KIAA0232: variants seen among roughly 807,000 people sequenced by gnomAD.
KIAA0232 encodes KIAA0232, also known as uncharacterized protein KIAA0232.
KIAA0232 carries 27 observed loss-of-function variants against 122.0 expected under a neutral mutation model. That is an observed-to-expected ratio of 0.22 (90% CI 0.16 to 0.31). The LOEUF is 0.31. Among genes scored for constraint, KIAA0232 ranks in the 10% least tolerant of loss-of-function variants. The pLI, the probability that KIAA0232 is intolerant of heterozygous loss-of-function variation, is 1.00. For missense variants in KIAA0232, 1,551 were observed against 1,634.2 expected (o/e 0.95, Z 0.88); for synonymous variants, 613 against 587.6 (o/e 1.04, Z -0.63).
chr4:6,795,435 T>C (rs11732331), intron 1 of KIAA0232, among the ~76,000 whole-genome samples: 132,651 of 152,184 alleles, frequency 0.87, 58,270 homozygotes, highest in Non-Finnish European at 0.91. Flanking sequence ...GTCAATTATG[T>C]ACCAGATGCC....
At chr4:6,846,580 C>T (rs575866153) in intron 4 of KIAA0232, among the ~76,000 whole-genome samples, 4 of 151,980 alleles carry the variant, frequency 2.6e-5, no homozygotes, top group Admixed American at 6.6e-5. Context: ...CAGTTGTCTT[C>T]CACGAAACCA....
intron 7 of KIAA0232, among the ~76,000 whole-genome samples, chr4:6,870,935 C>A (rs2108828886): frequency 6.6e-6 from 1 of 152,314 alleles, no homozygotes; most frequent in Admixed American, 6.5e-5. Flanking sequence ...TCAGGGCTTC[C>A]CCATTACCTG....
At chr4:6,858,205 C>A (rs1257444371) in intron 5 of KIAA0232, among the ~76,000 whole-genome samples, 1 of 152,190 alleles carries the variant, frequency 6.6e-6, no homozygotes, top group African/African-American at 2.4e-5. Context: ...ACGAGATGAA[C>A]AACTCTCACC....
intron 4 of KIAA0232, among the ~76,000 whole-genome samples, chr4:6,848,241 T>C (rs1438197660): frequency 6.6e-6 from 1 of 152,236 alleles, no homozygotes; most frequent in African/African-American, 2.4e-5. Context: ...CTTAGTATTT[T>C]GTATATGCAT....
intron 1 of KIAA0232, among the ~76,000 whole-genome samples, chr4:6,785,458 G>A (rs1305676099): frequency 2.0e-5 from 3 of 152,226 alleles, no homozygotes; most frequent in Non-Finnish European, 4.4e-5. Flanking sequence ...TCTGTAGAAT[G>A]GGAAGATTGA....
chr4:6,862,433 C>G lies in KIAA0232; in HGVS notation c.2051C>G (p.Thr684Arg), dbSNP rs750163412. 2 of 1,614,124 alleles carry G rather than the reference C, an allele frequency of 1.2e-6. No homozygotes were observed. The highest frequency in any genetic ancestry group is 3.3e-5 in the Admixed American group (2 of 60,026). Residue 684 changes from threonine to arginine, a missense_variant, in exon 7 of 10, where the codon ACA (threonine) becomes AGA (arginine). Physicochemically the swap from Thr to Arg is moderately conservative, Grantham distance 71 (BLOSUM62 -1). Around this residue, in one of 5 missense-constraint regions of KIAA0232, gnomAD observed 1,108 missense variants for 1,154.8 expected, o/e 0.96. Coordinates refer to ENST00000307659, the MANE Select transcript of KIAA0232 (RefSeq NM_014743.3). ...TCTAGTGCTAATATGCTTGGGAAAACACAGTCTAGATTGCTAATATGGACC... is the reference window on the plus strand; with the variant it reads ...TCTAGTGCTAATATGCTTGGGAAAAGACAGTCTAGATTGCTAATATGGACC... ...TDSSANMLGKTQSRLLIWTKN... is the reference protein window; with the variant it reads ...TDSSANMLGKRQSRLLIWTKN...
At chr4:6,878,399 A>ACATACATACATACATG in intron 9 of KIAA0232, among the ~76,000 whole-genome samples, 1 of 152,192 alleles carries the variant, frequency 6.6e-6, no homozygotes, top group South Asian at 2.1e-4. Context: ...ATACATACAT[A>ACATACATACATACATG]CATACATACA....
At chr4:6,831,605 A>G (rs184603711) in intron 3 of KIAA0232, among the ~76,000 whole-genome samples, 1 of 152,344 alleles carries the variant, frequency 6.6e-6, no homozygotes, top group Admixed American at 6.5e-5. Flanking sequence ...AGAAAAATGT[A>G]CAACTTGATG....
chr4:6,828,771 A>G (rs1287939139), intron 3 of KIAA0232, among the ~76,000 whole-genome samples: 5 of 152,078 alleles, frequency 3.3e-5, no homozygotes, highest in Admixed American at 6.6e-5. Flanking sequence ...ACTTTTCTTC[A>G]TCTTCTACTT....
chr4:6,847,873 A>AG (rs397686553), intron 4 of KIAA0232, among the ~76,000 whole-genome samples: 1 of 151,164 alleles, frequency 6.6e-6, no homozygotes, highest in East Asian at 1.9e-4. Context: ...AAAAAAAAAA[A>AG]CTACTTATAT....
In KIAA0232 at chr4:6,850,605, C is replaced by A. The variant is rs535980129; in HGVS notation, c.370-6559C>A. On this transcript the variant is annotated intron_variant, in intron 4 of 9. Coordinates refer to ENST00000307659, the MANE Select transcript of KIAA0232 (RefSeq NM_014743.3). ...TGAACTATGTAACACTGTTTATTCT[C>A]CTGGTAATGGGCCTTTCAATTGCTT... Among the ~76,000 whole-genome samples the A allele has an allele frequency of 1.1e-4, 17 of 152,032 alleles. No homozygotes were observed. The South Asian group carries it at 3.5e-3, about 32-fold the overall frequency.
intron 1 of KIAA0232, among the ~76,000 whole-genome samples, chr4:6,795,571 C>T (rs1440269747): frequency 6.6e-6 from 1 of 152,046 alleles, no homozygotes; most frequent in Non-Finnish European, 1.5e-5. Flanking sequence ...TCACCTGTTT[C>T]TTTTTTAATA....
chr4:6,803,156 T>C (rs2108933186), intron 1 of KIAA0232, among the ~76,000 whole-genome samples: 1 of 151,236 alleles, frequency 6.6e-6, no homozygotes, highest in African/African-American at 2.4e-5. Flanking sequence ...ACCTCCAGCC[T>C]GGATGACAGA....
intron 2 of KIAA0232, among the ~76,000 whole-genome samples, chr4:6,810,566 G>A (rs1007248861): frequency 2.6e-5 from 4 of 152,126 alleles, no homozygotes; most frequent in African/African-American, 9.7e-5. Context: ...AACTAAAACA[G>A]AAATAGACAA....
intron 2 of KIAA0232, among the ~76,000 whole-genome samples, chr4:6,818,499 A>T (rs1718248676): frequency 6.6e-6 from 1 of 151,788 alleles, no homozygotes; most frequent in African/African-American, 2.4e-5. Context: ...ACACACACAC[A>T]CACACTACCT....
At chr4:6,806,082 TCTC>T (rs1437494899) in intron 2 of KIAA0232, among the ~76,000 whole-genome samples, 1 of 152,194 alleles carries the variant, frequency 6.6e-6, no homozygotes, top group Non-Finnish European at 1.5e-5. Flanking sequence ...CCAAATGTTT[TCTC>T]CTTTTGTCCT....
chr4:6,834,052 A>ACAAGTTAACATCTCTGTGCCTGACTCTC (rs1400002924), intron 3 of KIAA0232, among the ~76,000 whole-genome samples: 7 of 152,298 alleles, frequency 4.6e-5, no homozygotes, highest in African/African-American at 1.7e-4. Context: ...ACTGACTTGG[A>ACAAGTTAACATCTCTGTGCCTGACTCTC]CAAGTTAACA....
chr4:6,859,496 T>TA (rs1239091931), intron 6 of KIAA0232, among the ~76,000 whole-genome samples: 2 of 151,834 alleles, frequency 1.3e-5, no homozygotes, highest in Admixed American at 6.6e-5. Context: ...AGACTATATA[T>TA]AAAAAAAAGT....
intron 3 of KIAA0232, among the ~76,000 whole-genome samples, chr4:6,825,419 A>G (rs150086875): frequency 3.9e-5 from 6 of 152,196 alleles, no homozygotes; most frequent in Admixed American, 1.3e-4. Flanking sequence ...GCATGGTAGC[A>G]TGTGCCTGTA....
Sources: gnomAD v4.1 joint callset for allele counts (sites outside exome capture counted in the v4.1 genomes callset) on GRCh38, gnomAD v4.1.1 for gene constraint, gnomAD v4.1.1 regional missense constraint, MANE v1.5 for transcripts, NCBI Gene and HGNC (gene_info 2026-07-23, HGNC 2026-07-21) for gene names.